PTPN14: variants seen among roughly 807,000 people sequenced by gnomAD.
The protein encoded by PTPN14 is tyrosine-protein phosphatase non-receptor type 14.
In PTPN14, 53 loss-of-function variants were observed where a neutral mutation model predicts 126.8. The observed-to-expected ratio is 0.42, with a 90% CI of 0.34 to 0.53. The LOEUF is 0.53. Among genes scored for constraint, PTPN14 ranks in the 20% least tolerant of loss-of-function variants. The pLI is 0.08. For missense variants in PTPN14, 1,257 were observed against 1,552.9 expected (o/e 0.81, Z 3.20); for synonymous variants, 630 against 599.3 (o/e 1.05, Z -0.75).
In PTPN14 at chr1:214,439,293, C is replaced by A. The variant is rs911664924; in HGVS notation, c.344+12512G>T. On this transcript the variant is annotated intron_variant, in intron 3 of 18. Coordinates refer to ENST00000366956, the MANE Select transcript of PTPN14 (RefSeq NM_005401.5). The stretch of plus-strand genomic sequence containing the variant: ...ATTTTATTTCAAGGATCCAAATTAC[C>A]GACCTTTTTCATGTTTTCCTTAGTT... Among the ~76,000 whole-genome samples the A allele has an allele frequency of 2.0e-5, 3 of 152,126 alleles. 1 individual carries two copies.
In PTPN14 at chr1:214,464,879, T is replaced by C. The variant is rs1660595578; in HGVS notation, c.-76A>G. 1 of 1,553,022 alleles carries C rather than the reference T, an allele frequency of 6.4e-7. No individual in the cohort carries two copies. Among genetic ancestry groups the C allele is most frequent in the East Asian group, 2.3e-5 (1 of 43,822 alleles). ...GAGATGGCCTTAGCAGTTTCGTGAC[T>C]GGAAAATTACACTATCACCTGTGCT... On this transcript the variant is annotated 5_prime_UTR_variant, in exon 2 of 19. Coordinates refer to ENST00000366956, the MANE Select transcript of PTPN14 (RefSeq NM_005401.5).
intron 1 of PTPN14, chr1:214,533,538 A>AT: frequency 6.4e-6 from 2 of 310,778 alleles, no homozygotes; most frequent in South Asian, 3.2e-5. Context: ...TTTAAATAAA[A>AT]AAAAAAAAAA....
intron 1 of PTPN14, among the ~76,000 whole-genome samples, chr1:214,546,929 G>C (rs1281310167): frequency 1.3e-5 from 2 of 151,998 alleles, no homozygotes. Flanking sequence ...AAGCTTGAGG[G>C]GGGAAGAAAA....
At chr1:214,376,496 C>G (rs923914962) in intron 14 of PTPN14, 59 bp from the exon 15 acceptor site, 2 of 1,393,496 alleles carry the variant, frequency 1.4e-6, no homozygotes, top group Non-Finnish European at 2.0e-6. Flanking sequence ...CTCAATGAAA[C>G]AACCAAATTT....
At chr1:214,456,299 G>C (rs1660381451) in intron 2 of PTPN14, among the ~76,000 whole-genome samples, 1 of 152,156 alleles carries the variant, frequency 6.6e-6, no homozygotes, top group South Asian at 2.1e-4. Flanking sequence ...TTAAGAAATG[G>C]TGTGCTTCCA....
chr1:214,369,797 C>T (rs1452865003), intron 16 of PTPN14, 106 bp from the exon 17 acceptor site: 7 of 984,644 alleles, frequency 7.1e-6, no homozygotes, highest in South Asian at 4.2e-5. Context: ...TTCTAAATCG[C>T]TAGTTCAGTA....
At chr1:214,511,925 CTGTT>C (rs1250027385) in intron 1 of PTPN14, among the ~76,000 whole-genome samples, 1 of 151,936 alleles carries the variant, frequency 6.6e-6, no homozygotes, top group Non-Finnish European at 1.5e-5. Context: ...CTATAATTCT[CTGTT>C]TGGCATCCAT....
intron 13 of PTPN14, among the ~76,000 whole-genome samples, chr1:214,380,418 AAAT>A (rs1194019042): frequency 5.9e-5 from 9 of 152,198 alleles, no homozygotes; most frequent in Non-Finnish European, 1.3e-4. Context: ...GAGATAAAAA[AAAT>A]AATAATAATT....
chr1:214,371,787 A>G (rs368783335), intron 16 of PTPN14, among the ~76,000 whole-genome samples: 18 of 152,292 alleles, frequency 1.2e-4, no homozygotes, highest in African/African-American at 4.1e-4. Context: ...GGCTTTAAAG[A>G]GCCTGATGTC....
At chr1:214,373,871 C>T (rs1259670172) in intron 15 of PTPN14, among the ~76,000 whole-genome samples, 2 of 152,156 alleles carry the variant, frequency 1.3e-5, no homozygotes, top group African/African-American at 4.8e-5. Flanking sequence ...TTATCAATAG[C>T]TTCACCTTGG....
At position 214,451,956 on chromosome 1, in the gene PTPN14, A is replaced by G. The variant is rs747434060; in HGVS notation, c.193T>C (p.Trp65Arg). Residue 65 changes from tryptophan to arginine, a missense_variant, in exon 3 of 19, where the codon TGG becomes CGG. Coordinates refer to ENST00000366956, the MANE Select transcript of PTPN14 (RefSeq NM_005401.5). ...ELRETHYFGL[W>R]FLSKSQQARW... ...GCTTGCTGGCTCTTGCTGAGAAACC[A>G]AAGGCCAAAGTAGTGCGTCTAGATA... 36 of 1,613,970 alleles carry G rather than the reference A, an allele frequency of 2.2e-5. No homozygotes were observed. The highest frequency in any genetic ancestry group is 4.5e-5 in the East Asian group (2 of 44,900).
intron 15 of PTPN14, among the ~76,000 whole-genome samples, chr1:214,375,819 T>C (rs567977967): frequency 1.8e-4 from 28 of 152,308 alleles, no homozygotes; most frequent in African/African-American, 6.5e-4. Context: ...AAAACAATAG[T>C]TTCTATTGTT....
At chr1:214,427,360 T>C (rs4475717) in intron 3 of PTPN14, among the ~76,000 whole-genome samples, 129,221 of 150,718 alleles carry the variant, frequency 0.86, 55,657 homozygotes, top group East Asian at 0.92. Context: ...GAAACCAGCA[T>C]AAAATGTATT....
chr1:214,527,139 G>A (rs542193932), intron 1 of PTPN14, among the ~76,000 whole-genome samples: 11 of 151,982 alleles, frequency 7.2e-5, no homozygotes, highest in Non-Finnish European at 1.3e-4. Context: ...AAGAAGGTGC[G>A]GATCTCAGAG....
chr1:214,460,283 A>G (rs531514242), intron 2 of PTPN14, among the ~76,000 whole-genome samples: 50 of 152,256 alleles, frequency 3.3e-4, no homozygotes, highest in Admixed American at 3.3e-3. Flanking sequence ...TAGAAATACT[A>G]TCCTATAGAT....
intron 3 of PTPN14, among the ~76,000 whole-genome samples, chr1:214,442,069 T>C (rs569153673): frequency 2.5e-4 from 38 of 152,360 alleles, no homozygotes; most frequent in Middle Eastern, 3.4e-3. Flanking sequence ...CAATAGCACA[T>C]TATTTTTGTT....
chr1:214,368,750 A>T (rs936824010), intron 17 of PTPN14, among the ~76,000 whole-genome samples: 2 of 152,160 alleles, frequency 1.3e-5, no homozygotes, highest in Non-Finnish European at 2.9e-5. Flanking sequence ...TGGGAGGCTG[A>T]TGCGGGCAGA....
chr1:214,453,702 T>C (rs1345108594), intron 2 of PTPN14, among the ~76,000 whole-genome samples: 1 of 152,144 alleles, frequency 6.6e-6, no homozygotes, highest in Non-Finnish European at 1.5e-5. Flanking sequence ...ATAAATCTTT[T>C]TCATCAGCAC....
intron 18 of PTPN14, among the ~76,000 whole-genome samples, chr1:214,361,255 C>T (rs1309857825): frequency 2.0e-5 from 3 of 152,236 alleles, no homozygotes; most frequent in African/African-American, 7.2e-5. Flanking sequence ...AGTGCGTATA[C>T]ATGGTAAACA....
Sources: gnomAD v4.1 joint callset for allele counts (sites outside exome capture counted in the v4.1 genomes callset) on GRCh38, gnomAD v4.1.1 for gene constraint, MANE v1.5 for transcripts, NCBI Gene and HGNC (gene_info 2026-07-23, HGNC 2026-07-21) for gene names.